URB1: variants seen among roughly 807,000 people sequenced by gnomAD.
URB1 encodes nucleolar pre-ribosomal-associated protein 1.
A neutral mutation model predicts 242.3 loss-of-function variants in URB1; 197 were observed. The observed-to-expected ratio is 0.81, with a 90% confidence interval of 0.72 to 0.91. The LOEUF (loss-of-function observed/expected upper bound fraction) is 0.91. Ranked by LOEUF, URB1 falls within the 40% of genes least tolerant of loss-of-function variation. The probability of loss-of-function intolerance (pLI) is 0.00; values close to 1 mark genes in which losing one functional copy is unlikely to be tolerated. For synonymous variants in URB1, 1,153 were observed against 1,201.8 expected, an observed-to-expected ratio of 0.96 and a Z score of 0.84; for missense variants, 2,721 against 2,860.5, an observed-to-expected ratio of 0.95 and a Z score of 1.11.
At chr21:32,384,548 G>A in intron 2 of URB1, 84 bp from the exon 3 acceptor site, 1 of 1,475,674 alleles carries the variant, frequency 6.8e-7, no homozygotes, top group South Asian at 1.3e-5. Context: ...CTTAGCCATA[G>A]TTACTTGTAG....
In URB1 at chr21:32,353,220, C is replaced by T. The variant is rs55787531; in HGVS notation, c.2417-314G>A. On this transcript the variant is annotated intron_variant, in intron 18 of 38. Transcript: ENST00000382751. ...GCTCACCAATCCGTTTACTGTGCCTCGGCACACAAGCCTCTCTTGCGTGTA... is the reference window on the plus strand; with the variant it reads ...GCTCACCAATCCGTTTACTGTGCCTTGGCACACAAGCCTCTCTTGCGTGTA... Among the ~76,000 whole-genome samples, 357 of 152,330 alleles carry T rather than the reference C, an allele frequency of 2.3e-3. 3 individuals are homozygous for T. The highest frequency in any genetic ancestry group is 8.0e-3 in the African/African-American group (333 of 41,574).
chr21:32,345,428 C>G lies in URB1; in HGVS notation c.4016G>C (p.Ser1339Thr), dbSNP rs1301946378. 1 of 1,551,628 alleles carries G rather than the reference C, an allele frequency of 6.4e-7. No individual in the cohort carries two copies. The highest frequency in any genetic ancestry group is 2.0e-5 in the Admixed American group (1 of 51,004). The change falls in exon 23 of 39, where the codon AGT becomes ACT. Residue 1339 changes from serine (S) to threonine (T), a missense_variant. By Grantham distance (58) the Ser-to-Thr change is moderately conservative (BLOSUM62 1). Coordinates refer to ENST00000382751, the MANE Select transcript of URB1 (RefSeq NM_014825.3). ...GCTGGGCAGGCGGTCCATGAGTACACTGAGATCCTTGGCTCGTGCAAACGG... is the reference window on the plus strand; with the variant it reads ...GCTGGGCAGGCGGTCCATGAGTACAGTGAGATCCTTGGCTCGTGCAAACGG... ...LVPFARAKDL[S>T]VLMDRLPSLL...
Position 32,392,998 on chromosome 21 carries a change from GCC to G in URB1, c.-90_-89del, listed in dbSNP as rs2033658848. 46 of 1,392,956 alleles carry G rather than the reference GCC, an allele frequency of 3.3e-5. 2 individuals are homozygous for G. The South Asian group carries it at 6.6e-4, about 20-fold the overall frequency. 86.3% of individuals were successfully genotyped at this position (1,392,956 alleles called of 1,614,324 possible). A position where few individuals can be genotyped will look rare whatever the true frequency, so the allele number is the denominator to read the frequency against. ...CACAGACAGCAGACACGCGCTTCAGGCCCACATGGCGCAGGAAGAGGCGGGGC... is the reference window on the plus strand; with the variant it reads ...CACAGACAGCAGACACGCGCTTCAGGCACATGGCGCAGGAAGAGGCGGGGC... On this transcript the variant is annotated 5_prime_UTR_variant, in exon 1 of 39. It removes the in-frame stop codon of an upstream open reading frame in the 5' UTR. Coordinates refer to ENST00000382751, the MANE Select transcript of URB1 (RefSeq NM_014825.3).
Position 32,325,266 on chromosome 21 carries a change from G to T in URB1, c.5084C>A (p.Ser1695Ter). The T allele has an allele frequency of 6.4e-7, 1 of 1,551,704 alleles. No individual in the cohort carries two copies. Among genetic ancestry groups the T allele is most frequent in the Non-Finnish European group, 8.7e-7 (1 of 1,146,974 alleles). Residue 1695 changes from serine (S) to a stop codon, truncating the protein, a stop_gained, in exon 31 of 39, where the codon TCG becomes TAG. Coordinates refer to ENST00000382751, the MANE Select transcript of URB1 (RefSeq NM_014825.3). LOFTEE classifies it high-confidence loss of function. The stretch of plus-strand genomic sequence containing the variant: ...TTGGAACCGTGCGCCCTCCAAGTGC[G>T]AGTAGTAGGCCGCCAGGACATGGTA... Reference protein sequence around the residue: ...IAYHVLAAYYSHLEGARFQEQ... With the variant: ...IAYHVLAAYY
chr21:32,336,778 T>A (rs912009428), intron 28 of URB1, among the ~76,000 whole-genome samples: 3 of 152,166 alleles, frequency 2.0e-5, no homozygotes, highest in African/African-American at 7.2e-5. Flanking sequence ...CCTAAAGGCA[T>A]GAGCAGAAAA....
chr21:32,352,978 T>A, intron 18 of URB1, 72 bp from the exon 19 acceptor site: 2 of 1,437,454 alleles, frequency 1.4e-6, no homozygotes, highest in Non-Finnish European at 1.8e-6. Flanking sequence ...CAACACCACC[T>A]TCTTCCACAT....
At chr21:32,387,912 G>A (rs954946264) in intron 1 of URB1, among the ~76,000 whole-genome samples, 2 of 152,076 alleles carry the variant, frequency 1.3e-5, no homozygotes, top group Admixed American at 6.5e-5. Context: ...TGAGAGTTTC[G>A]AGATCCTTCT....
chr21:32,364,193 G>C lies in URB1; in HGVS notation c.1336-864C>G, dbSNP rs147112206. Among the ~76,000 whole-genome samples, 425 of 152,238 alleles carry C rather than the reference G, an allele frequency of 2.8e-3. 1 individual carries two copies. The highest frequency in any genetic ancestry group is 9.8e-3 in the African/African-American group (406 of 41,546). On this transcript the variant is annotated intron_variant, in intron 10 of 38. Transcript: ENST00000382751. ...GGGAGAGTCACTCACTGCAGAGACT[G>C]AGTAGGGTTCAAGAACCTGTGCTAC... is the stretch of plus-strand genomic sequence containing the variant.
chr21:32,377,839 G>A (rs78380467), intron 5 of URB1, among the ~76,000 whole-genome samples: 3 of 152,094 alleles, frequency 2.0e-5, no homozygotes, highest in Non-Finnish European at 2.9e-5. Flanking sequence ...CTCCAGACAG[G>A]CCAGGATTCC....
chr21:32,324,677 C>T (rs1165073165), intron 31 of URB1, 75 bp from the exon 32 acceptor site: 58 of 1,144,036 alleles, frequency 5.1e-5, no homozygotes, highest in Middle Eastern at 4.0e-4. Flanking sequence ...CTGGTGCAGC[C>T]GAACCAGGGC....
chr21:32,319,194 C>A, intron 36 of URB1, 23 bp downstream of exon 36: 1 of 1,534,114 alleles, frequency 6.5e-7, no homozygotes, highest in South Asian at 1.2e-5. Flanking sequence ...CAGAAGGGCC[C>A]CCCTGGCGGG....
chr21:32,360,051 C>T, intron 13 of URB1, 143 bp from the exon 14 acceptor site: 2 of 744,124 alleles, frequency 2.7e-6, no homozygotes, highest in Non-Finnish European at 4.4e-6. Flanking sequence ...GTCCTGTGCT[C>T]ACCCTCACAT....
intron 6 of URB1, 46 bp downstream of exon 6, chr21:32,375,352 C>G: frequency 7.9e-7 from 1 of 1,257,976 alleles, no homozygotes; most frequent in Non-Finnish European, 1.1e-6. Context: ...TATCTCCATT[C>G]CCAAGGGAAA....
At chr21:32,341,111 C>T (rs1001621434) in intron 25 of URB1, among the ~76,000 whole-genome samples, 27 of 152,084 alleles carry the variant, frequency 1.8e-4, no homozygotes, top group Admixed American at 9.2e-4. Flanking sequence ...AAGATACTGA[C>T]GAGACAAAGC....
intron 1 of URB1, among the ~76,000 whole-genome samples, chr21:32,388,591 G>A (rs188132486): frequency 6.6e-6 from 1 of 152,354 alleles, no homozygotes; most frequent in East Asian, 1.9e-4. Flanking sequence ...TGGTGATTAT[G>A]AGCAGGCCAT....
Position 32,344,655 on chromosome 21 carries a change from A to C in URB1, c.4172T>G (p.Ile1391Ser), listed in dbSNP as rs184418084. 2 of 1,552,368 alleles carry C rather than the reference A, an allele frequency of 1.3e-6. No individual in the cohort carries two copies. The highest frequency in any genetic ancestry group is 2.4e-5 in the East Asian group (1 of 40,924). ...TTGCTGTCCACCACTGAAAGACACG[A>C]TCAGCCACTTCACACAGGACTCCAA... Reference protein sequence around the residue: ...TLLESCVKWLIVSFSGGQQDD... With the variant: ...TLLESCVKWLSVSFSGGQQDD... The change falls in exon 24 of 39, where the codon ATC becomes AGC. Residue 1391 changes from isoleucine to serine, a missense_variant. Transcript: ENST00000382751.
Position 32,353,995 on chromosome 21 carries a change from G to A in URB1, c.2354C>T (p.Ala785Val), listed in dbSNP as rs369407228. 39 of 1,551,660 alleles carry A rather than the reference G, an allele frequency of 2.5e-5. No individual in the cohort carries two copies. Among genetic ancestry groups the A allele is most frequent in the Non-Finnish European group, 2.8e-5 (32 of 1,147,020 alleles). Residue 785 changes from alanine to valine, a missense_variant, in exon 18 of 39, where the codon GCG becomes GTG. Coordinates refer to ENST00000382751, the MANE Select transcript of URB1 (RefSeq NM_014825.3). ...DMILLTFPFS[A>V]VVPAALEARN... ...GGCTTCCAGGGCCGCAGGGACTACC[G>A]CACTGAATGGGAACGTGAGCAGGAT...
At position 32,334,189 on chromosome 21, in the gene URB1, G is replaced by A; in HGVS notation, c.4831C>T (p.Gln1611Ter). 1.9e-6 allele frequency: 3 copies of A among 1,549,402 alleles called. No homozygotes were observed. Among genetic ancestry groups the A allele is most frequent in the Non-Finnish European group, 2.6e-6 (3 of 1,145,290 alleles). ...TCGGGGGGCAGCAGCCTCCGGTTCT[G>A]GGGGAAGTGCAGGATGGTCTGCATC... ...RMMQTILHFP[Q>*]NRRLLPPEDT... Residue 1611 changes from glutamine to a stop codon, truncating the protein, a stop_gained, in exon 29 of 39, where the codon CAG becomes TAG. Coordinates refer to ENST00000382751, the MANE Select transcript of URB1 (RefSeq NM_014825.3). LOFTEE classifies it high-confidence loss of function.
At chr21:32,325,567 T>G (rs2032820456) in intron 30 of URB1, among the ~76,000 whole-genome samples, 178 bp from the exon 31 acceptor site, 1 of 152,194 alleles carries the variant, frequency 6.6e-6, no homozygotes, top group Non-Finnish European at 1.5e-5. Context: ...AAAAACCTCT[T>G]CCTTTATGTG....
Sources: allele counts gnomAD v4.1 joint callset (sites outside exome capture counted in the v4.1 genomes callset), GRCh38; gene constraint gnomAD v4.1.1; transcripts MANE v1.5; gene names NCBI Gene and HGNC (gene_info 2026-07-23, HGNC 2026-07-21).